The following LMO7 variants were observed in gnomAD, a reference collection of about 807,000 sequenced individuals.
LMO7 encodes LIM domain 7.
LMO7 carries 120 observed loss-of-function variants against 206.5 expected under a neutral mutation model. The ratio of observed to expected loss-of-function variants is 0.58; its 90% CI spans 0.50 to 0.68. The LOEUF (loss-of-function observed/expected upper bound fraction) is 0.68, where lower values mean the gene tolerates loss of function less well. Ranked by LOEUF, LMO7 falls within the 30% of genes least tolerant of loss-of-function variation. The pLI is 0.00. For synonymous variants in LMO7, 706 were observed against 681.5 expected, an observed-to-expected ratio of 1.04 and a Z score of -0.56; for missense variants, 1,959 against 1,957.9, an observed-to-expected ratio of 1.00 and a Z score of -0.01.
At chr13:75,706,944 A>G (rs1047905760) in intron 1 of LMO7, among the ~76,000 whole-genome samples, 1 of 152,042 alleles carries the variant, frequency 6.6e-6, no homozygotes, top group African/African-American at 2.4e-5. Context: ...CGAATTTCAT[A>G]CTAGTGAAAT....
At position 75,804,352 on chromosome 13, in the gene LMO7, T is replaced by C. The variant is rs778170969; in HGVS notation, c.725T>C (p.Met242Thr). The stretch of plus-strand genomic sequence containing the variant: ...ATGCAGGATTATAATAAAGATGATA[T>C]GTCGTATCGAAGGATTTCGGCTGTT... ...FKMQDYNKDD[M>T]SYRRISAVEP... Residue 242 changes from methionine to threonine, a missense_variant, in exon 8 of 31, where the codon ATG becomes ACG. Transcript: ENST00000377534. The C allele has an allele frequency of 3.1e-6, 5 of 1,614,088 alleles. No individual in the cohort carries two copies. The highest frequency in any genetic ancestry group is 2.2e-5 in the South Asian group (2 of 91,082).
chr13:75,734,263 A>G (rs1284059936), intron 3 of LMO7, among the ~76,000 whole-genome samples: 2 of 152,210 alleles, frequency 1.3e-5, no homozygotes, highest in Non-Finnish European at 2.9e-5. Flanking sequence ...ATTTCAGAGG[A>G]CAATAATAAT....
chr13:75,709,895 T>A lies in LMO7; in HGVS notation c.70-3287T>A, dbSNP rs539667342. 4.1e-4 allele frequency among the ~76,000 whole-genome samples: 63 copies of A among 152,324 alleles called. 1 individual carries two copies. The South Asian group carries it at 5.0e-3, about 12-fold the overall frequency. The stretch of plus-strand genomic sequence containing the variant: ...GCTGATGCCTATGTCCTGAATGGTA[T>A]TGCCTAGGTTTTCTTCTAGGGTTTT... On this transcript the variant is annotated intron_variant, in intron 1 of 30. Transcript: ENST00000377534.
At chr13:75,717,129 C>T (rs972718225) in intron 2 of LMO7, among the ~76,000 whole-genome samples, 21 of 151,820 alleles carry the variant, frequency 1.4e-4, no homozygotes, top group African/African-American at 3.1e-4. Flanking sequence ...TTTGGGAGTC[C>T]GAGGCGGGCG....
chr13:75,750,416 G>A (rs1029639235), intron 3 of LMO7, among the ~76,000 whole-genome samples: 9 of 133,924 alleles, frequency 6.7e-5, no homozygotes, highest in African/African-American at 2.6e-4. Context: ...TGGAGACAGG[G>A]TCTTGCTTTA....
intron 4 of LMO7, among the ~76,000 whole-genome samples, chr13:75,790,042 G>A (rs2053045194): frequency 6.6e-6 from 1 of 152,146 alleles, no homozygotes. Context: ...ACGCCAGTGT[G>A]CTTTGCCCTT....
At chr13:75,660,552 G>T (rs1038436653) in intron 1 of LMO7, among the ~76,000 whole-genome samples, 1 of 152,152 alleles carries the variant, frequency 6.6e-6, no homozygotes. Flanking sequence ...CTGATGGGGT[G>T]CAGTGCTTCT....
chr13:75,823,941 T>C, intron 15 of LMO7, 68 bp downstream of exon 15: 1 of 1,311,594 alleles, frequency 7.6e-7, no homozygotes, highest in Non-Finnish European at 1.1e-6. Context: ...GGAAACCATG[T>C]CTCAAATGTC....
chr13:75,796,669 G>T lies in LMO7; in HGVS notation c.382G>T (p.Ala128Ser), dbSNP rs757004967. ...AACATTGTACTGGCTGGGAAGAAAA[G>T]CACAAAGCAACCCGTACTATAATGG... is the stretch of plus-strand genomic sequence containing the variant. ...LITLYWLGRK[A>S]QSNPYYNGPH... Residue 128 changes from alanine to serine, a missense_variant, in exon 6 of 31, where the codon GCA (alanine) becomes TCA (serine). By Grantham distance (99) the Ala-to-Ser change is moderately conservative. Transcript: ENST00000377534. The T allele has an allele frequency of 6.2e-7, 1 of 1,612,852 alleles. No homozygotes were observed. The highest frequency in any genetic ancestry group is 2.2e-5 in the East Asian group (1 of 44,808).
At chr13:75,813,879 T>G (rs997470349) in intron 11 of LMO7, among the ~76,000 whole-genome samples, 1 of 152,354 alleles carries the variant, frequency 6.6e-6, no homozygotes, top group African/African-American at 2.4e-5. Context: ...GTTTTTGTTC[T>G]GGAGTTTATG....
intron 1 of LMO7, among the ~76,000 whole-genome samples, chr13:75,701,013 T>G (rs949563677): frequency 1.4e-4 from 22 of 152,214 alleles, no homozygotes; most frequent in African/African-American, 5.3e-4. Flanking sequence ...TATTTGTTCA[T>G]TCATCAGTTC....
intron 2 of LMO7, among the ~76,000 whole-genome samples, chr13:75,626,595 A>ATATATATATATATATATATATTT: frequency 4.2e-5 from 3 of 71,098 alleles, no homozygotes; most frequent in Admixed American, 3.0e-4. Context: ...ATATATATAA[A>ATATATATATATATATATATATTT]TTTTTTTGAG....
chr13:75,811,727 C>T (rs1055765785), intron 11 of LMO7, among the ~76,000 whole-genome samples: 12 of 152,130 alleles, frequency 7.9e-5, no homozygotes, highest in Admixed American at 2.0e-4. Flanking sequence ...TATGTGCTTT[C>T]GTCTTGCATG....
At position 75,681,593 on chromosome 13, in the gene LMO7, CTT is replaced by C. The variant is rs2040485683; in HGVS notation, c.70-31588_70-31587del. On this transcript the variant is annotated intron_variant, in intron 1 of 30. Coordinates refer to ENST00000377534, the MANE Select transcript of LMO7 (RefSeq NM_001306080.2). Reference sequence around the variant, plus strand: ...TTTGTGCACCCTTTTGTAGTCAACTCTTCTCACTCTGTCGTCTTCCCTCTGCC... The same window carrying C: ...TTTGTGCACCCTTTTGTAGTCAACTCCTCACTCTGTCGTCTTCCCTCTGCC... 4.0e-5 allele frequency among the ~76,000 whole-genome samples: 6 copies of C among 151,574 alleles called. No homozygotes were observed. The South Asian group carries it at 1.3e-3, about 32-fold the overall frequency.
Position 75,670,057 on chromosome 13 carries a change from A to G in LMO7, c.69+33331A>G, listed in dbSNP as rs114677510. Among the ~76,000 whole-genome samples, 264 of 152,294 alleles carry G rather than the reference A, an allele frequency of 1.7e-3. 1 individual carries two copies. Among genetic ancestry groups the G allele is most frequent in the African/African-American group, 6.0e-3 (251 of 41,554 alleles). On this transcript the variant is annotated intron_variant, in intron 1 of 30. Transcript: ENST00000377534. Reference sequence around the variant, plus strand: ...CCTTTTATAGGCCCTTATAACAGAGAAAGGCCCTAAACTTTGTGCAGGAGT... The same window carrying G: ...CCTTTTATAGGCCCTTATAACAGAGGAAGGCCCTAAACTTTGTGCAGGAGT...
At chr13:75,660,449 A>G (rs998931486) in intron 1 of LMO7, among the ~76,000 whole-genome samples, 1 of 152,196 alleles carries the variant, frequency 6.6e-6, no homozygotes, top group East Asian at 1.9e-4. Flanking sequence ...AGGGAATGGC[A>G]TCTCCATTCC....
chr13:75,646,487 G>C (rs11616974), intron 1 of LMO7, among the ~76,000 whole-genome samples: 75,156 of 151,820 alleles, frequency 0.5, 19,155 homozygotes, highest in Admixed American at 0.61. Context: ...ATCTGTTCCC[G>C]GCTTGCCTAT....
At position 75,855,260 on chromosome 13, in the gene LMO7, G is replaced by A; in HGVS notation, c.4662G>A (p.Arg1554=). The A allele has an allele frequency of 6.2e-7, 1 of 1,605,544 alleles. No homozygotes were observed. Among genetic ancestry groups the A allele is most frequent in the Non-Finnish European group, 8.5e-7 (1 of 1,172,476 alleles). Residue 1554 remains arginine, a splice_region_variant and synonymous_variant, in exon 29 of 31, where the codon AGG becomes AGA. Transcript: ENST00000377534. ...CATTCCATTCTTGTTCTGCATCTAGGTCAGTCAGTGGGAAGCGCATATGCT... is the reference window on the plus strand; with the variant it reads ...CATTCCATTCTTGTTCTGCATCTAGATCAGTCAGTGGGAAGCGCATATGCT... ...ASQSGSQLRN[R]SVSGKRICSY...
At position 75,640,935 on chromosome 13, in the gene LMO7, A is replaced by ACTGC. The variant is rs548546808; in HGVS notation, c.69+4211_69+4214dup. ...CCCTCTTCCCGAGTCACCTTACTCTACTGCCGTCCACTTGATGATTTCCCT... is the reference window on the plus strand; with the variant it reads ...CCCTCTTCCCGAGTCACCTTACTCTACTGCCTGCCGTCCACTTGATGATTTCCCT... On this transcript the variant is annotated intron_variant, in intron 1 of 30. Coordinates refer to ENST00000377534, the MANE Select transcript of LMO7 (RefSeq NM_001306080.2). 2.0e-3 allele frequency among the ~76,000 whole-genome samples: 312 copies of ACTGC among 152,306 alleles called. 1 individual carries two copies. Among genetic ancestry groups the ACTGC allele is most frequent in the African/African-American group, 7.1e-3 (297 of 41,572 alleles).
Sources: allele counts gnomAD v4.1 joint callset (sites outside exome capture counted in the v4.1 genomes callset), GRCh38; gene constraint gnomAD v4.1.1; transcripts MANE v1.5; gene names NCBI Gene and HGNC (gene_info 2026-07-23, HGNC 2026-07-21).